The following ZNF469 variants were observed in gnomAD, a reference collection of about 807,000 sequenced individuals.
ZNF469 encodes zinc finger protein 469.
In ZNF469, 1 loss-of-function variant was observed where a neutral mutation model predicts 1.0. The observed-to-expected ratio is 1.00, with a 90% CI of 0.35 to 4.73. The LOEUF (loss-of-function observed/expected upper bound fraction) is 4.73. Among genes scored for constraint, ZNF469 ranks in the 30% most tolerant of loss-of-function variants. ZNF469 has a pLI of 0.16. For missense variants in ZNF469, 6,100 were observed against 5,356.3 expected, an observed-to-expected ratio of 1.14 and a Z score of -4.33; for synonymous variants, 2,703 against 2,363.4, an observed-to-expected ratio of 1.14 and a Z score of -4.17.
At chr16:88,218,764 C>T in the ZNF469 span, among the ~76,000 whole-genome samples, 1 of 151,762 alleles carries the variant, frequency 6.6e-6, no homozygotes. Flanking sequence ...GAAGTTCTGG[C>T]CAGGGCAATT....
the ZNF469 span, among the ~76,000 whole-genome samples, chr16:88,288,243 C>G: frequency 1.3e-5 from 2 of 152,082 alleles, no homozygotes; most frequent in Admixed American, 6.5e-5. Flanking sequence ...TCTTGGTTTA[C>G]TCCCTTGTTT....
chr16:88,374,441 G>C, the ZNF469 span, among the ~76,000 whole-genome samples: 1 of 152,216 alleles, frequency 6.6e-6, no homozygotes, highest in South Asian at 2.1e-4. Flanking sequence ...GAGTTGGGGA[G>C]GCAGAGAAGA....
chr16:88,176,494 C>T, the ZNF469 span, among the ~76,000 whole-genome samples: 1 of 152,124 alleles, frequency 6.6e-6, no homozygotes, highest in East Asian at 1.9e-4. Context: ...GCCATGCCTC[C>T]AGCCCCTGCC....
the ZNF469 span, among the ~76,000 whole-genome samples, chr16:88,286,556 C>T: frequency 6.6e-6 from 1 of 152,272 alleles, no homozygotes; most frequent in Non-Finnish European, 1.5e-5. Flanking sequence ...CATGGCCCCT[C>T]ACCTGGCCTG....
the ZNF469 span, among the ~76,000 whole-genome samples, chr16:88,279,176 G>A: frequency 7.4e-4 from 44 of 59,144 alleles, no homozygotes; most frequent in East Asian, 2.6e-3. Context: ...AGATATCAGT[G>A]CACGGTTAGT....
chr16:88,103,044 G>A, the ZNF469 span, among the ~76,000 whole-genome samples: 441 of 152,366 alleles, frequency 2.9e-3, no homozygotes, highest in African/African-American at 9.2e-3. Flanking sequence ...ATGGTAATGC[G>A]ATTCTTTAAC....
At chr16:88,223,923 C>T in the ZNF469 span, among the ~76,000 whole-genome samples, 5 of 152,216 alleles carry the variant, frequency 3.3e-5, no homozygotes, top group Non-Finnish European at 5.9e-5. Context: ...GCCCTGGGGG[C>T]CCCCATGAAC....
At chr16:88,302,199 C>T in the ZNF469 span, among the ~76,000 whole-genome samples, 1 of 152,312 alleles carries the variant, frequency 6.6e-6, no homozygotes, top group Non-Finnish European at 1.5e-5. Context: ...GCTGCAGGGG[C>T]GGTGGTTACC....
the ZNF469 span, chr16:88,100,969 GC>G: frequency 3.5e-6 from 1 of 282,520 alleles, no homozygotes; most frequent in African/African-American, 2.3e-5. Context: ...TGCTGCTGCT[GC>G]GGACACCTGG....
At chr16:88,393,459 C>T (rs1233618789) in intron 1 of ZNF469, among the ~76,000 whole-genome samples, 1 of 152,190 alleles carries the variant, frequency 6.6e-6, no homozygotes, top group Non-Finnish European at 1.5e-5. Context: ...TAATTAGAGT[C>T]TCCAGAGGGC....
the ZNF469 span, among the ~76,000 whole-genome samples, chr16:88,110,023 G>A: frequency 6.6e-6 from 1 of 152,234 alleles, no homozygotes; most frequent in African/African-American, 2.4e-5. Flanking sequence ...CAGCCTCCCA[G>A]AAACTAGCAC....
chr16:88,236,273 G>A, the ZNF469 span, among the ~76,000 whole-genome samples: 26 of 152,344 alleles, frequency 1.7e-4, no homozygotes, highest in African/African-American at 3.1e-4. Context: ...TTGCGGGGCC[G>A]TTTAAAATTA....
At chr16:88,353,133 A>G in the ZNF469 span, among the ~76,000 whole-genome samples, 2 of 152,136 alleles carry the variant, frequency 1.3e-5, no homozygotes, top group East Asian at 3.9e-4. Flanking sequence ...GGGATGGTCC[A>G]GAGAATGCTG....
the ZNF469 span, among the ~76,000 whole-genome samples, chr16:88,192,394 C>T: frequency 4.6e-5 from 7 of 152,264 alleles, no homozygotes; most frequent in East Asian, 1.9e-4. Flanking sequence ...TTTTGGGAAA[C>T]GGAGACAGAC....
At chr16:88,272,721 GA>G in the ZNF469 span, among the ~76,000 whole-genome samples, 2 of 151,720 alleles carry the variant, frequency 1.3e-5, no homozygotes, top group Non-Finnish European at 2.9e-5. Flanking sequence ...TGGGTGTATG[GA>G]TAGACGAGTG....
At position 88,439,439 on chromosome 16, in the gene ZNF469, T is replaced by C; in HGVS notation, c.*107T>C. 7.9e-7 allele frequency: 1 copy of C among 1,271,546 alleles called. No individual in the cohort carries two copies. The highest frequency in any genetic ancestry group is 1.1e-6 in the Non-Finnish European group (1 of 898,472). 78.8% of individuals were successfully genotyped at this position (1,271,546 alleles called of 1,614,324 possible). A position where few individuals can be genotyped will look rare whatever the true frequency, so the allele number is the denominator to read the frequency against. On this transcript the variant is annotated 3_prime_UTR_variant, in exon 3 of 3. Transcript: ENST00000565624. ...TGGTCCACTCTGTGGCCACTTGACT[T>C]CTTGTGCAACTGCTCAGGCCTTGAT...
At chr16:88,300,968 G>A in the ZNF469 span, among the ~76,000 whole-genome samples, 1 of 152,020 alleles carries the variant, frequency 6.6e-6, no homozygotes, top group Non-Finnish European at 1.5e-5. Flanking sequence ...GGGAGGCTGA[G>A]GCAGGAGAAT....
At chr16:88,224,253 G>A in the ZNF469 span, among the ~76,000 whole-genome samples, 2 of 152,158 alleles carry the variant, frequency 1.3e-5, no homozygotes, top group African/African-American at 2.4e-5. Context: ...GCCACCCTGC[G>A]TGCCCGGGCC....
the ZNF469 span, among the ~76,000 whole-genome samples, chr16:88,141,560 G>C: frequency 5.5e-5 from 5 of 90,370 alleles, no homozygotes; most frequent in African/African-American, 2.3e-4. Context: ...AAGAGGTCCT[G>C]GGAGGCACCC....
Sources: gnomAD v4.1 joint callset for allele counts (sites outside exome capture counted in the v4.1 genomes callset) on GRCh38, gnomAD v4.1.1 for gene constraint, MANE v1.5 for transcripts, NCBI Gene and HGNC (gene_info 2026-07-23, HGNC 2026-07-21) for gene names.